CHL1: variants seen among roughly 807,000 people sequenced by gnomAD.
The protein encoded by CHL1 is cell adhesion molecule L1 like, also known as neural cell adhesion molecule L1-like protein.
Under a neutral mutation model 141.9 loss-of-function variants are expected in CHL1, and 96 were observed. The observed-to-expected ratio is 0.68, with a 90% CI of 0.57 to 0.80. The LOEUF (loss-of-function observed/expected upper bound fraction) is 0.80. CHL1 is among the 30% of genes least tolerant of loss of function. The probability of loss-of-function intolerance (pLI) is 0.00; values close to 1 mark genes in which losing one functional copy is unlikely to be tolerated. For missense variants in CHL1, 1,820 were observed against 1,457.2 expected, an observed-to-expected ratio of 1.25 and a Z score of -4.05; for synonymous variants, 613 against 502.2, an observed-to-expected ratio of 1.22 and a Z score of -2.95.
At position 280,713 on chromosome 3, in the gene CHL1, G is replaced by T. The variant is rs185703775; in HGVS notation, c.-95+36021G>T. ...CCACCAACAAAATACCTTTTTCTCT[G>T]AGAAGGAGTCAGTGAAGGGTAGAGA... On this transcript the variant is annotated intron_variant, in intron 2 of 27. Coordinates refer to ENST00000256509, the MANE Select transcript of CHL1 (RefSeq NM_006614.4). 2.0e-5 allele frequency among the ~76,000 whole-genome samples: 3 copies of T among 152,206 alleles called. No individual in the cohort carries two copies. The East Asian group carries it at 5.8e-4, about 29-fold the overall frequency.
chr3:391,767 T>A lies in CHL1; in HGVS notation c.2884T>A (p.Leu962Ile). The change falls in exon 23 of 28, where the codon TTA becomes ATA. Residue 962 changes from leucine (L) to isoleucine (I), a missense_variant. Transcript: ENST00000256509. The part of the protein sequence containing the change: ...WGLPKKLNGN[L>I]TGYLLQYQII... ...ACTACCTAAGAAATTAAATGGAAAC[T>A]TAACTGGCTATCTTTTGCAATATCA... 1 of 1,597,302 alleles carries A rather than the reference T, an allele frequency of 6.3e-7. No individual in the cohort carries two copies.
In CHL1 at chr3:399,062, T is replaced by C; in HGVS notation, c.3299T>C (p.Ile1100Thr). ...GACATCTCCACTCAAGGCTGGTTTA[T>C]TGGACTGATGTGTGCGATTGCTCTT... is the stretch of plus-strand genomic sequence containing the variant. The part of the protein sequence containing the change: ...YDDISTQGWF[I>T]GLMCAIALLT... The change falls in exon 26 of 28, where the codon ATT (isoleucine) becomes ACT (threonine). Residue 1100 changes from isoleucine to threonine, a missense_variant. Ile to Thr is a moderately conservative substitution (Grantham distance 89). Transcript: ENST00000256509. 1.2e-6 allele frequency: 2 copies of C among 1,611,568 alleles called. No homozygotes were observed. Among genetic ancestry groups the C allele is most frequent in the East Asian group, 4.5e-5 (2 of 44,846 alleles).
In CHL1 at chr3:221,162, T is replaced by C. The variant is rs562860318; in HGVS notation, c.-174-23451T>C. 2.0e-5 allele frequency among the ~76,000 whole-genome samples: 3 copies of C among 152,334 alleles called. No individual in the cohort carries two copies. In the East Asian group the frequency reaches 5.8e-4, roughly 29 times the overall value. ...TACATGTTTCATGCATTTATTGATGTCTTATTTCTCCTTAAAATGGATAAA... is the reference window on the plus strand; with the variant it reads ...TACATGTTTCATGCATTTATTGATGCCTTATTTCTCCTTAAAATGGATAAA... On this transcript the variant is annotated intron_variant, in intron 1 of 27. Transcript: ENST00000256509.
rs749819387 is a variant in CHL1, at chr3:398,304, G to A, written c.3172G>A (p.Glu1058Lys). 3 of 1,608,220 alleles carry A rather than the reference G, an allele frequency of 1.9e-6. No individual in the cohort carries two copies. The highest frequency in any genetic ancestry group is 2.2e-5 in the East Asian group (1 of 44,790). Residue 1058 changes from glutamate to lysine, a missense_variant, in exon 25 of 28, where the codon GAA becomes AAA. Transcript: ENST00000256509. ...AATAGAGGTATTTGAGCCGGGAGCTGAACATATAGTTCGCCTAATGACTAA... is the reference window on the plus strand; with the variant it reads ...AATAGAGGTATTTGAGCCGGGAGCTAAACATATAGTTCGCCTAATGACTAA... ...HPIEVFEPGAEHIVRLMTKNW... is the reference protein window; with the variant it reads ...HPIEVFEPGAKHIVRLMTKNW...
At chr3:379,191 T>A (rs2125375897) in intron 16 of CHL1, among the ~76,000 whole-genome samples, 1 of 152,180 alleles carries the variant, frequency 6.6e-6, no homozygotes, top group South Asian at 2.1e-4. Flanking sequence ...TCTGAGAGAC[T>A]GATAAAAAAA....
At chr3:334,772 T>C (rs1398394956) in intron 5 of CHL1, among the ~76,000 whole-genome samples, 1 of 152,208 alleles carries the variant, frequency 6.6e-6, no homozygotes, top group East Asian at 1.9e-4. Flanking sequence ...TTGTGTACTG[T>C]TAGGGACAGT....
chr3:361,352 A>G lies in CHL1; in HGVS notation c.1307-347A>G, dbSNP rs375367600. The stretch of plus-strand genomic sequence containing the variant: ...TAAAACACCAGAAGCAATGGCAACA[A>G]AAGACAAAATTGACAAATGGGATCT... On this transcript the variant is annotated intron_variant, in intron 12 of 27. Coordinates refer to ENST00000256509, the MANE Select transcript of CHL1 (RefSeq NM_006614.4). Among the ~76,000 whole-genome samples, 493 of 130,418 alleles carry G rather than the reference A, an allele frequency of 3.8e-3. 5 individuals are homozygous for G. Among genetic ancestry groups the G allele is most frequent in the African/African-American group, 0.013 (466 of 35,282 alleles). 85.6% of individuals were successfully genotyped at this position (130,418 alleles called of 152,430 possible). A position where few individuals can be genotyped will look rare whatever the true frequency, so the allele number is the denominator to read the frequency against.
At chr3:207,511 A>G (rs1410851829) in intron 1 of CHL1, among the ~76,000 whole-genome samples, 1 of 152,246 alleles carries the variant, frequency 6.6e-6, no homozygotes, top group African/African-American at 2.4e-5. Context: ...AAAGATGTAA[A>G]GAATGCTTAA....
At chr3:199,915 G>A (rs376626866) in intron 1 of CHL1, among the ~76,000 whole-genome samples, 2 of 152,188 alleles carry the variant, frequency 1.3e-5, no homozygotes, top group African/African-American at 2.4e-5. Flanking sequence ...TTAAGTAATA[G>A]TTGGGGAACT....
chr3:254,898 T>A (rs751251244), intron 2 of CHL1, among the ~76,000 whole-genome samples: 4 of 152,150 alleles, frequency 2.6e-5, no homozygotes, highest in Non-Finnish European at 1.5e-5. Flanking sequence ...ACATTGACCA[T>A]TAAGTCTCAA....
intron 1 of CHL1, among the ~76,000 whole-genome samples, chr3:221,203 G>A (rs1381336027): frequency 6.6e-6 from 1 of 152,148 alleles, no homozygotes; most frequent in Non-Finnish European, 1.5e-5. Context: ...GCTGTAGCCC[G>A]ACCACCTTGG....
At chr3:332,800 ATAAGT>A (rs1363044328) in intron 5 of CHL1, among the ~76,000 whole-genome samples, 1 of 152,178 alleles carries the variant, frequency 6.6e-6, no homozygotes. Context: ...CTTCACTGAA[ATAAGT>A]TAAGACCAGA....
rs1008558257 is a variant in CHL1, at chr3:408,247, G to A, written c.*2536G>A. 2.6e-5 allele frequency: 4 copies of A among 151,964 alleles called. No homozygotes were observed. Among genetic ancestry groups the A allele is most frequent in the South Asian group, 2.1e-4 (1 of 4,830 alleles). The allele number at this position is 151,964 out of a possible 1,614,324, so 9.4% of individuals were successfully genotyped here. A position where few individuals can be genotyped will look rare whatever the true frequency, so the allele number is the denominator to read the frequency against. On this transcript the variant is annotated 3_prime_UTR_variant, in exon 28 of 28. Transcript: ENST00000256509. ...ACAGCCAATATTTAAAACTTTGTTC[G>A]TTACTGGCTTTACCCTAACTTTCTC...
chr3:313,141 A>G (rs1226614894), intron 2 of CHL1, among the ~76,000 whole-genome samples: 1 of 152,122 alleles, frequency 6.6e-6, no homozygotes, highest in East Asian at 1.9e-4. Flanking sequence ...TGTCACTGAC[A>G]TTTCTGCTTT....
intron 1 of CHL1, among the ~76,000 whole-genome samples, chr3:202,371 T>A (rs1699031113): frequency 6.6e-6 from 1 of 152,186 alleles, no homozygotes; most frequent in African/African-American, 2.4e-5. Context: ...TCAATGGTGG[T>A]GTCAAATGGC....
chr3:298,646 C>T (rs1282898360), intron 2 of CHL1, among the ~76,000 whole-genome samples: 1 of 152,156 alleles, frequency 6.6e-6, no homozygotes, highest in African/African-American at 2.4e-5. Flanking sequence ...AGGAGGGTCT[C>T]TCATTCATGA....
intron 27 of CHL1, among the ~76,000 whole-genome samples, chr3:402,865 C>G (rs1709253696): frequency 6.6e-6 from 1 of 152,162 alleles, no homozygotes. Context: ...GTGATCATTA[C>G]TATTGTATTA....
At chr3:404,103 A>G (rs1709349631) in intron 27 of CHL1, among the ~76,000 whole-genome samples, 1 of 152,228 alleles carries the variant, frequency 6.6e-6, no homozygotes, top group South Asian at 2.1e-4. Flanking sequence ...TTAATCACTT[A>G]GGAGCACTGG....
intron 7 of CHL1, among the ~76,000 whole-genome samples, chr3:342,402 C>G (rs1575116049): frequency 6.6e-6 from 1 of 152,132 alleles, no homozygotes; most frequent in Non-Finnish European, 1.5e-5. Context: ...CATCGATTCA[C>G]TGTGATCTTG....
Sources: allele counts gnomAD v4.1 joint callset (sites outside exome capture counted in the v4.1 genomes callset), GRCh38; gene constraint gnomAD v4.1.1; transcripts MANE v1.5; gene names NCBI Gene and HGNC (gene_info 2026-07-23, HGNC 2026-07-21).